AKAP13: variants seen among roughly 807,000 people sequenced by gnomAD.
AKAP13 encodes A-kinase anchor protein 13.
Under a neutral mutation model 264.5 loss-of-function variants are expected in AKAP13, and 80 were observed. That is an observed-to-expected ratio of 0.30 (90% CI 0.25 to 0.36). AKAP13 has a LOEUF of 0.36. Ranked by LOEUF, AKAP13 falls within the 10% of genes least tolerant of loss-of-function variation. The pLI is 1.00. For synonymous variants in AKAP13, 1,380 were observed against 1,250.2 expected, an observed-to-expected ratio of 1.10 and a Z score of -2.19; for missense variants, 3,712 against 3,435.2, an observed-to-expected ratio of 1.08 and a Z score of -2.01.
intron 8 of AKAP13, among the ~76,000 whole-genome samples, chr15:85,599,814 T>A (rs1035680578): frequency 6.6e-6 from 1 of 152,132 alleles, no homozygotes; most frequent in Non-Finnish European, 1.5e-5. Flanking sequence ...GGTGGGAGGA[T>A]TGCTTGAGCC....
intron 4 of AKAP13, chr15:85,535,368 G>A (rs2077355568): frequency 6.6e-6 from 1 of 152,170 alleles, no homozygotes; most frequent in African/African-American, 2.4e-5. Flanking sequence ...ATTCTACCTG[G>A]ATAGTCCTGC....
chr15:85,706,767 C>T (rs2086290204), intron 17 of AKAP13, among the ~76,000 whole-genome samples: 1 of 152,106 alleles, frequency 6.6e-6, no homozygotes, highest in Non-Finnish European at 1.5e-5. Context: ...ATGGTCCCTG[C>T]CCCAGAGAGG....
At chr15:85,484,228 C>G (rs1170801110) in intron 1 of AKAP13, among the ~76,000 whole-genome samples, 1 of 152,194 alleles carries the variant, frequency 6.6e-6, no homozygotes, top group Non-Finnish European at 1.5e-5. Flanking sequence ...TTCAATCTTT[C>G]ATTTTCATCC....
At chr15:85,689,313 A>G (rs554796011) in intron 16 of AKAP13, among the ~76,000 whole-genome samples, 1 of 152,328 alleles carries the variant, frequency 6.6e-6, no homozygotes, top group African/African-American at 2.4e-5. Flanking sequence ...TTAATTTTAA[A>G]TGTAATTCTC....
At chr15:85,453,822 G>C (rs1336513368) in intron 1 of AKAP13, among the ~76,000 whole-genome samples, 1 of 152,196 alleles carries the variant, frequency 6.6e-6, no homozygotes, top group Non-Finnish European at 1.5e-5. Flanking sequence ...GGGTGGGGGT[G>C]GCTGGAGGCC....
chr15:85,500,733 G>A (rs1357643726), intron 2 of AKAP13, among the ~76,000 whole-genome samples: 1 of 152,088 alleles, frequency 6.6e-6, no homozygotes, highest in Non-Finnish European at 1.5e-5. Context: ...GTAACTTAGG[G>A]TATTTATCTT....
intron 1 of AKAP13, among the ~76,000 whole-genome samples, chr15:85,438,104 G>A (rs1176277757): frequency 6.8e-6 from 1 of 146,324 alleles, no homozygotes; most frequent in African/African-American, 2.6e-5. Flanking sequence ...AAGCTGATAA[G>A]CAACTTCAGC....
chr15:85,688,454 C>T (rs556816101), intron 16 of AKAP13, among the ~76,000 whole-genome samples: 22 of 152,084 alleles, frequency 1.4e-4, no homozygotes, highest in South Asian at 4.2e-4. Context: ...AAGCATCTAC[C>T]GAATATAATA....
intron 35 of AKAP13, among the ~76,000 whole-genome samples, chr15:85,741,720 AC>A (rs1254338148): frequency 2.5e-4 from 22 of 87,260 alleles, no homozygotes; most frequent in African/African-American, 6.6e-4. Context: ...AAAAAAACAA[AC>A]AAACAAACAA....
chr15:85,591,346 A>G (rs1477498430), intron 8 of AKAP13, among the ~76,000 whole-genome samples: 1 of 152,194 alleles, frequency 6.6e-6, no homozygotes, highest in Non-Finnish European at 1.5e-5. Flanking sequence ...TACTTAATGC[A>G]TGCTAAAATT....
At chr15:85,640,837 A>G (rs139772619) in intron 9 of AKAP13, among the ~76,000 whole-genome samples, 149 of 152,308 alleles carry the variant, frequency 9.8e-4, no homozygotes, top group Admixed American at 8.8e-3. Context: ...ATCTCCACAC[A>G]TCATAGTTTA....
chr15:85,544,387 A>G (rs2077666449), intron 5 of AKAP13, among the ~76,000 whole-genome samples: 1 of 152,206 alleles, frequency 6.6e-6, no homozygotes, highest in East Asian at 1.9e-4. Flanking sequence ...GTACTTCCAT[A>G]TTATAATTGC....
At chr15:85,732,457 CAT>C (rs1288128175) in intron 30 of AKAP13, among the ~76,000 whole-genome samples, 2 of 148,522 alleles carry the variant, frequency 1.3e-5, no homozygotes, top group African/African-American at 4.9e-5. Context: ...TATTATATAA[CAT>C]AATATAACAT....
At chr15:85,734,079 C>T (rs998450160) in intron 30 of AKAP13, among the ~76,000 whole-genome samples, 7 of 152,024 alleles carry the variant, frequency 4.6e-5, no homozygotes, top group South Asian at 2.1e-4. Flanking sequence ...GTGATCTGCC[C>T]GCCTCGGCCT....
chr15:85,669,589 C>T, intron 13 of AKAP13, 133 bp from the exon 14 acceptor site: 2 of 571,138 alleles, frequency 3.5e-6, no homozygotes, highest in South Asian at 4.8e-5. Context: ...TCTGTCTGAC[C>T]ACAAGGCCTG....
chr15:85,743,471 C>G, intron 35 of AKAP13, 21 bp from the exon 36 acceptor site: 4 of 1,602,540 alleles, frequency 2.5e-6, no homozygotes, highest in Non-Finnish European at 3.4e-6. Context: ...AAGTGAAAAC[C>G]CTTCTCTTGA....
intron 5 of AKAP13, among the ~76,000 whole-genome samples, chr15:85,552,937 T>C (rs2078013104): frequency 6.6e-6 from 1 of 152,200 alleles, no homozygotes; most frequent in South Asian, 2.1e-4. Context: ...GTGAATGATT[T>C]TCAAATTGAA....
chr15:85,423,939 G>A (rs1391993417), intron 1 of AKAP13, among the ~76,000 whole-genome samples: 1 of 152,204 alleles, frequency 6.6e-6, no homozygotes, highest in African/African-American at 2.4e-5. Context: ...TGCATTGTGA[G>A]TGAGCAGGAG....
Position 85,485,750 on chromosome 15 carries a change from A to G in AKAP13, c.30A>G (p.Leu10=), listed in dbSNP as rs746425407. 13 of 1,612,762 alleles carry G rather than the reference A, an allele frequency of 8.1e-6. No individual in the cohort carries two copies. The East Asian group carries it at 2.2e-4, about 28-fold the overall frequency. Residue 10 remains leucine, a synonymous_variant, in exon 2 of 37, where the codon TTA becomes TTG. Transcript: ENST00000394518. ...AACTTAATCCACAGCAAGCTCCCTT[A>G]TATGTGAGTAAATCATGAGATTTCT... MKLNPQQAP[L]YGDCVVTVLL... is the part of the protein sequence containing the mutation.
Sources: gnomAD v4.1 joint callset for allele counts (sites outside exome capture counted in the v4.1 genomes callset) on GRCh38, gnomAD v4.1.1 for gene constraint, MANE v1.5 for transcripts, NCBI Gene and HGNC (gene_info 2026-07-23, HGNC 2026-07-21) for gene names.